The following GRIN2B variants were observed in gnomAD, a reference collection of about 807,000 sequenced individuals.
GRIN2B encodes glutamate receptor ionotropic, NMDA 2B.
A neutral mutation model predicts 114.5 loss-of-function variants in GRIN2B; 5 were observed. That is an observed-to-expected ratio of 0.04 (90% confidence interval 0.02 to 0.09). GRIN2B has a LOEUF of 0.09. GRIN2B is among the 10% of genes least tolerant of loss of function. The pLI, the probability that GRIN2B is intolerant of heterozygous loss-of-function variation, is 1.00. For missense variants in GRIN2B, 1,108 were observed against 1,943.5 expected (o/e 0.57, Z 8.08); for synonymous variants, 787 against 745.1 (o/e 1.06, Z -0.92).
intron 4 of GRIN2B, among the ~76,000 whole-genome samples, chr12:13,747,798 A>G (rs1239873000): frequency 1.3e-5 from 2 of 152,214 alleles, no homozygotes; most frequent in South Asian, 4.1e-4. Flanking sequence ...CGAACATTTA[A>G]TAACAAATAA....
intron 5 of GRIN2B, among the ~76,000 whole-genome samples, chr12:13,670,059 T>G (rs1405399020): frequency 6.6e-6 from 1 of 152,052 alleles, no homozygotes; most frequent in Non-Finnish European, 1.5e-5. Context: ...CTTTTCTCGG[T>G]TTGGTTGCAC....
chr12:13,587,569 G>T (rs1323125494), intron 10 of GRIN2B, among the ~76,000 whole-genome samples: 1 of 151,862 alleles, frequency 6.6e-6, no homozygotes, highest in Non-Finnish European at 1.5e-5. Context: ...TGCCCAGCCT[G>T]GTCTCAAACT....
chr12:13,677,400 A>G (rs1439410460), intron 4 of GRIN2B, among the ~76,000 whole-genome samples: 2 of 152,158 alleles, frequency 1.3e-5, no homozygotes, highest in African/African-American at 2.4e-5. Context: ...AATGATGCTT[A>G]TGCAGCATGA....
At chr12:13,706,144 T>C (rs1292310394) in intron 4 of GRIN2B, among the ~76,000 whole-genome samples, 1 of 152,078 alleles carries the variant, frequency 6.6e-6, no homozygotes, top group African/African-American at 2.4e-5. Flanking sequence ...CACCAAGACC[T>C]CTAGAGGTCC....
At position 13,550,810 on chromosome 12, in the gene GRIN2B, C is replaced by T. The variant is rs1171346414; in HGVS notation, c.*11973G>A. 1 of 152,162 alleles carries T rather than the reference C, an allele frequency of 6.6e-6. No individual in the cohort carries two copies. The highest frequency in any genetic ancestry group is 2.4e-5 in the African/African-American group (1 of 41,442). 9.4% of individuals were successfully genotyped at this position (152,162 alleles called of 1,614,324 possible). Reference sequence around the variant, plus strand: ...ATTAAGTACCATGCACGTGTTCGAGCTCTGTGCTCACTCAACTTCTCATCC... The same window carrying T: ...ATTAAGTACCATGCACGTGTTCGAGTTCTGTGCTCACTCAACTTCTCATCC... On this transcript the variant is annotated 3_prime_UTR_variant, in exon 14 of 14. Transcript: ENST00000609686.
chr12:13,869,868 C>T (rs370939020), intron 2 of GRIN2B, among the ~76,000 whole-genome samples: 2 of 152,290 alleles, frequency 1.3e-5, no homozygotes, highest in East Asian at 1.9e-4. Flanking sequence ...ATGCTATCAT[C>T]GGTGAAACCA....
At chr12:13,820,175 G>C (rs1255992187) in intron 3 of GRIN2B, among the ~76,000 whole-genome samples, 1 of 152,112 alleles carries the variant, frequency 6.6e-6, no homozygotes, top group Non-Finnish European at 1.5e-5. Context: ...CTAACTCTCA[G>C]AGGCTTACAG....
At chr12:13,842,178 C>T (rs932731612) in intron 3 of GRIN2B, among the ~76,000 whole-genome samples, 4 of 152,280 alleles carry the variant, frequency 2.6e-5, no homozygotes, top group Non-Finnish European at 2.9e-5. Flanking sequence ...ATGACACTCT[C>T]CACTCAAGTA....
chr12:13,885,552 C>T (rs999423697), intron 2 of GRIN2B, among the ~76,000 whole-genome samples: 9 of 152,152 alleles, frequency 5.9e-5, no homozygotes, highest in African/African-American at 1.4e-4. Flanking sequence ...GTGTTCTTCC[C>T]TCACTGCCCC....
chr12:13,974,613 A>T (rs576195904), intron 2 of GRIN2B, among the ~76,000 whole-genome samples: 33 of 152,240 alleles, frequency 2.2e-4, no homozygotes, highest in African/African-American at 7.9e-4. Flanking sequence ...TCCTCAAGAC[A>T]TAATTTAAAT....
chr12:13,885,822 T>C (rs1866146940), intron 2 of GRIN2B, among the ~76,000 whole-genome samples: 1 of 152,230 alleles, frequency 6.6e-6, no homozygotes, highest in Non-Finnish European at 1.5e-5. Flanking sequence ...TAACGGTATA[T>C]AGCTTAGTTG....
intron 3 of GRIN2B, among the ~76,000 whole-genome samples, chr12:13,848,258 C>T (rs73055690): frequency 0.11 from 17,020 of 152,160 alleles, 1,259 homozygotes; most frequent in Middle Eastern, 0.16. Flanking sequence ...AATACAAATG[C>T]CCCTAGGGAG....
At chr12:13,811,362 T>A (rs1380275730) in intron 3 of GRIN2B, among the ~76,000 whole-genome samples, 1 of 151,762 alleles carries the variant, frequency 6.6e-6, no homozygotes, top group Non-Finnish European at 1.5e-5. Flanking sequence ...GCCAGGAGGG[T>A]CGCTTGAGTT....
intron 2 of GRIN2B, among the ~76,000 whole-genome samples, chr12:13,874,859 G>A (rs1865970741): frequency 6.6e-6 from 1 of 152,094 alleles, no homozygotes; most frequent in African/African-American, 2.4e-5. Context: ...CAGAGAGCAG[G>A]GAATAGGGGA....
chr12:13,951,421 G>T (rs1387278286), intron 2 of GRIN2B, among the ~76,000 whole-genome samples: 1 of 152,074 alleles, frequency 6.6e-6, no homozygotes, highest in Non-Finnish European at 1.5e-5. Context: ...AAAATCCAAC[G>T]TAAAAACCAT....
chr12:13,768,892 G>A (rs1193896213), intron 3 of GRIN2B, among the ~76,000 whole-genome samples: 2 of 152,118 alleles, frequency 1.3e-5, no homozygotes, highest in African/African-American at 2.4e-5. Flanking sequence ...AAATTAGCCT[G>A]GCTTGGTGGC....
At chr12:13,707,940 T>G (rs989674536) in intron 4 of GRIN2B, among the ~76,000 whole-genome samples, 3 of 151,896 alleles carry the variant, frequency 2.0e-5, no homozygotes, top group Admixed American at 6.6e-5. Flanking sequence ...ACAGAGCTCT[T>G]GTAGAGAGCT....
Position 13,545,984 on chromosome 12 carries a change from C to T in GRIN2B, c.*16799G>A, listed in dbSNP as rs1948336383. The stretch of plus-strand genomic sequence containing the variant: ...AATGCCTATTTGTAATCGAATCTAG[C>T]AATTTTCTTTCTGAAGTAAACAGTA... On this transcript the variant is annotated 3_prime_UTR_variant, in exon 14 of 14. Coordinates refer to ENST00000609686, the MANE Select transcript of GRIN2B (RefSeq NM_000834.5). 1 of 152,138 alleles carries T rather than the reference C, an allele frequency of 6.6e-6. No individual in the cohort carries two copies. The highest frequency in any genetic ancestry group is 2.1e-4 in the South Asian group (1 of 4,818). 9.4% of individuals were successfully genotyped at this position (152,138 alleles called of 1,614,324 possible). A position where few individuals can be genotyped will look rare whatever the true frequency, so the allele number is the denominator to read the frequency against.
chr12:13,609,069 G>C (rs190957227), intron 9 of GRIN2B, among the ~76,000 whole-genome samples: 1 of 152,226 alleles, frequency 6.6e-6, no homozygotes, highest in African/African-American at 2.4e-5. Flanking sequence ...TGTGTAGGAT[G>C]GTCTTTCTTG....
Sources: gnomAD v4.1 joint callset for allele counts (sites outside exome capture counted in the v4.1 genomes callset) on GRCh38, gnomAD v4.1.1 for gene constraint, MANE v1.5 for transcripts, NCBI Gene and HGNC (gene_info 2026-07-23, HGNC 2026-07-21) for gene names.